The following VPS13A variants were observed in gnomAD, a reference collection of about 807,000 sequenced individuals.
The protein encoded by VPS13A is intermembrane lipid transfer protein VPS13A.
In VPS13A, 264 loss-of-function variants were observed where a neutral mutation model predicts 390.9. The ratio of observed to expected loss-of-function variants is 0.68; its 90% CI spans 0.61 to 0.75. The LOEUF (loss-of-function observed/expected upper bound fraction) is 0.75, where lower values mean the gene tolerates loss of function less well. VPS13A is among the 30% of genes least tolerant of loss of function. The pLI, the probability that VPS13A is intolerant of heterozygous loss-of-function variation, is 0.00. For missense variants in VPS13A, 3,409 were observed against 3,733.9 expected, an observed-to-expected ratio of 0.91 and a Z score of 2.27; for synonymous variants, 1,231 against 1,227.1, an observed-to-expected ratio of 1.00 and a Z score of -0.07.
rs763126524 is a variant in VPS13A at position 77,276,163 on chromosome 9, C to T, written c.2766C>T (p.Tyr922=). The change falls in exon 26 of 72, where the codon TAC becomes TAT. Residue 922 remains tyrosine (Y), a synonymous_variant. Coordinates refer to ENST00000360280, the MANE Select transcript of VPS13A (RefSeq NM_033305.3). ...GLGAEIEIRT[Y]DLKANAFLKE... ...GTGCAGAAATTGAGATTAGAACATA[C>T]GATTTGAAAGCAAATGCCTTTTTGA... is the stretch of plus-strand genomic sequence containing the variant. The T allele has an allele frequency of 2.4e-5, 39 of 1,610,682 alleles. No homozygotes were observed. The South Asian group carries it at 3.3e-4, about 14-fold the overall frequency.
At chr9:77,393,673 GGT>G (rs1265717241) in intron 68 of VPS13A, among the ~76,000 whole-genome samples, 1 of 152,192 alleles carries the variant, frequency 6.6e-6, no homozygotes, top group Non-Finnish European at 1.5e-5. Context: ...CTAGGTGCAT[GGT>G]CAATGAGCAG....
intron 71 of VPS13A, among the ~76,000 whole-genome samples, chr9:77,412,774 A>C (rs552907322): frequency 2.0e-5 from 3 of 152,292 alleles, no homozygotes; most frequent in Non-Finnish European, 4.4e-5. Flanking sequence ...GAAGGAAATA[A>C]AGGGTATTCA....
chr9:77,393,861 T>C (rs931718518), intron 68 of VPS13A, among the ~76,000 whole-genome samples: 7 of 152,060 alleles, frequency 4.6e-5, no homozygotes, highest in Non-Finnish European at 8.8e-5. Flanking sequence ...CTCCGCCTCC[T>C]GGGTTCAAGC....
chr9:77,394,434 C>T (rs539660511), intron 68 of VPS13A, among the ~76,000 whole-genome samples: 78 of 152,182 alleles, frequency 5.1e-4, no homozygotes, highest in African/African-American at 1.8e-3. Context: ...CCAGGCATGG[C>T]GGCAGCCACC....
chr9:77,227,368 A>G (rs1202327729), intron 15 of VPS13A, 23 bp from the exon 16 acceptor site: 1 of 1,528,888 alleles, frequency 6.5e-7, no homozygotes, highest in Admixed American at 1.7e-5. Context: ...TAAGAACATA[A>G]AGCACTTCTT....
chr9:77,189,669 T>C (rs956637079), intron 1 of VPS13A, among the ~76,000 whole-genome samples: 1 of 152,206 alleles, frequency 6.6e-6, no homozygotes, highest in Non-Finnish European at 1.5e-5. Flanking sequence ...AGGAATAGCA[T>C]TGAAGCTGTA....
rs552722683 is a variant in VPS13A at position 77,380,606 on chromosome 9, G to A, written c.9078-1370G>A. On this transcript the variant is annotated intron_variant, in intron 67 of 71. Transcript: ENST00000360280. ...ATTACAGACATGAGCCACCACACCC[G>A]GCCCTATTCTGTTTTCAGTTGGAGA... is the stretch of plus-strand genomic sequence containing the variant. 4.7e-4 allele frequency among the ~76,000 whole-genome samples: 71 copies of A among 152,160 alleles called. 2 individuals are homozygous for A. The South Asian group carries it at 0.015, about 31-fold the overall frequency.
At chr9:77,370,981 T>A in intron 66 of VPS13A, 45 bp from the exon 67 acceptor site, 1 of 1,614,154 alleles carries the variant, frequency 6.2e-7, no homozygotes, top group Non-Finnish European at 8.5e-7. Context: ...TTGATTCTGT[T>A]TTCATTCTTG....
chr9:77,409,373 A>ACTC (rs1271893539), intron 71 of VPS13A, among the ~76,000 whole-genome samples: 1 of 152,220 alleles, frequency 6.6e-6, no homozygotes, highest in African/African-American at 2.4e-5. Context: ...AAATCTGGAA[A>ACTC]CTCTAAAAAT....
rs1240800949 is a variant in VPS13A at position 77,221,202 on chromosome 9, A to G, written c.1007A>G (p.His336Arg). Residue 336 changes from histidine to arginine, a missense_variant, in exon 13 of 72, where the codon CAT (histidine) becomes CGT (arginine). His to Arg is a conservative substitution (Grantham distance 29, BLOSUM62 0). Around this residue, in one of 5 missense-constraint regions of VPS13A, gnomAD observed 2,717 missense variants for 2,917.4 expected, o/e 0.93. Coordinates refer to ENST00000360280, the MANE Select transcript of VPS13A (RefSeq NM_033305.3). ...TTAACTAGGTGGGCTTATGCTATAC[A>G]TGGCGTTCTTGAAGTAAATGTTTGC... The part of the protein sequence containing the change: ...HAREWWAYAI[H>R]GVLEVNVCPR... 35 of 1,613,452 alleles carry G rather than the reference A, an allele frequency of 2.2e-5. No individual in the cohort carries two copies. The highest frequency in any genetic ancestry group is 3.3e-4 in the Middle Eastern group (2 of 6,048).
At position 77,407,664 on chromosome 9, in the gene VPS13A, G is replaced by C. The variant is rs1168583660; in HGVS notation, c.9474+57G>C. The C allele has an allele frequency of 2.0e-5, 26 of 1,316,870 alleles. No homozygotes were observed. The Admixed American group carries it at 4.7e-4, about 24-fold the overall frequency. 81.6% of individuals were successfully genotyped at this position (1,316,870 alleles called of 1,614,324 possible). A position where few individuals can be genotyped will look rare whatever the true frequency, so the allele number is the denominator to read the frequency against. On this transcript the variant is annotated intron_variant, in intron 71 of 71. Transcript: ENST00000360280. The stretch of plus-strand genomic sequence containing the variant: ...AGCTGCTCACTTCAAAATCATGTAA[G>C]TGGACTATTTTTTAATGCAGATAAG...
intron 71 of VPS13A, among the ~76,000 whole-genome samples, chr9:77,411,168 C>T (rs1048345649): frequency 1.5e-4 from 23 of 152,244 alleles, no homozygotes; most frequent in Admixed American, 1.1e-3. Flanking sequence ...GGAAACTGAA[C>T]AACCTGCTCC....
intron 19 of VPS13A, among the ~76,000 whole-genome samples, chr9:77,240,384 G>C (rs1254107544): frequency 1.3e-5 from 2 of 150,440 alleles, no homozygotes; most frequent in Non-Finnish European, 3.0e-5. Context: ...ATCGGACCTG[G>C]CCTGGAAGTT....
intron 51 of VPS13A, 136 bp from the exon 52 acceptor site, chr9:77,344,873 A>G: frequency 1.1e-6 from 1 of 912,436 alleles, no homozygotes. Context: ...GAAATGCAGT[A>G]CAAAATTCTG....
At chr9:77,320,113 G>A (rs1472948264) in intron 42 of VPS13A, among the ~76,000 whole-genome samples, 2 of 152,070 alleles carry the variant, frequency 1.3e-5, no homozygotes, top group African/African-American at 4.8e-5. Flanking sequence ...TTTAGACATT[G>A]TTCTAAATAT....
At chr9:77,394,064 G>A (rs945380427) in intron 68 of VPS13A, among the ~76,000 whole-genome samples, 15 of 151,638 alleles carry the variant, frequency 9.9e-5, no homozygotes, top group South Asian at 4.2e-4. Flanking sequence ...CACCACACCC[G>A]GCACTTTTTT....
At chr9:77,385,750 G>A (rs552577617) in intron 68 of VPS13A, among the ~76,000 whole-genome samples, 2 of 152,158 alleles carry the variant, frequency 1.3e-5, no homozygotes, top group Admixed American at 1.3e-4. Context: ...CTTGACTACA[G>A]CAGAAGCTCA....
intron 45 of VPS13A, among the ~76,000 whole-genome samples, chr9:77,323,866 C>A (rs949410958): frequency 1.4e-5 from 2 of 146,352 alleles, no homozygotes; most frequent in South Asian, 4.4e-4. Flanking sequence ...CATGTTATTA[C>A]ATGCAGTTAC....
intron 16 of VPS13A, among the ~76,000 whole-genome samples, chr9:77,227,892 G>T (rs1439400374): frequency 6.6e-6 from 1 of 151,602 alleles, no homozygotes; most frequent in African/African-American, 2.4e-5. Flanking sequence ...AAAAATATAT[G>T]TTACTGACTT....
Sources: allele counts gnomAD v4.1 joint callset (sites outside exome capture counted in the v4.1 genomes callset), GRCh38; gene constraint gnomAD v4.1.1; regional missense constraint gnomAD v4.1.1; transcripts MANE v1.5; gene names NCBI Gene and HGNC (gene_info 2026-07-23, HGNC 2026-07-21).